GFRAL: variants seen among roughly 807,000 people sequenced by gnomAD.
The protein encoded by GFRAL is GDNF family receptor alpha-like.
GFRAL carries 36 observed loss-of-function variants against 45.4 expected under a neutral mutation model. The observed-to-expected ratio is 0.79, with a 90% confidence interval of 0.61 to 1.05. The LOEUF is 1.05. Ranked by LOEUF, GFRAL falls within the 50% of genes least tolerant of loss-of-function variation. The pLI is 0.00. For synonymous variants in GFRAL, 166 were observed against 154.1 expected, an observed-to-expected ratio of 1.08 and a Z score of -0.57; for missense variants, 507 against 467.5, an observed-to-expected ratio of 1.08 and a Z score of -0.78.
intron 6 of GFRAL, among the ~76,000 whole-genome samples, chr6:55,385,072 G>C (rs1455840469): frequency 6.6e-6 from 1 of 151,938 alleles, no homozygotes; most frequent in Non-Finnish European, 1.5e-5. Context: ...GTTTCCCTTT[G>C]AGCACACTAC....
chr6:55,340,823 C>A (rs534035838), intron 3 of GFRAL, among the ~76,000 whole-genome samples: 1 of 152,276 alleles, frequency 6.6e-6, no homozygotes, highest in East Asian at 1.9e-4. Context: ...TCACTCTCAC[C>A]CTAATACTGC....
intron 6 of GFRAL, 52 bp downstream of exon 6, chr6:55,359,190 T>TATCTATCTATC: frequency 1.8e-6 from 2 of 1,121,646 alleles, no homozygotes; most frequent in South Asian, 1.5e-5. Context: ...ATCTATCATC[T>TATCTATCTATC]ATCTATCTAT....
intron 6 of GFRAL, among the ~76,000 whole-genome samples, chr6:55,363,937 C>T (rs1216460218): frequency 5.3e-5 from 8 of 149,602 alleles, no homozygotes; most frequent in African/African-American, 1.7e-4. Context: ...ATTTATAGTC[C>T]TTTGGGTATA....
At chr6:55,398,898 G>A (rs114388495) in intron 6 of GFRAL, among the ~76,000 whole-genome samples, 4,848 of 152,016 alleles carry the variant, frequency 0.032, 88 homozygotes, top group Non-Finnish European at 0.047. Flanking sequence ...TATTTTTCTT[G>A]TCTGTATATA....
chr6:55,388,146 A>G (rs951988528), intron 6 of GFRAL, among the ~76,000 whole-genome samples: 1 of 152,166 alleles, frequency 6.6e-6, no homozygotes, highest in African/African-American at 2.4e-5. Context: ...AGTTTGCCAT[A>G]ACTCTGGGAC....
intron 1 of GFRAL, 41 bp downstream of exon 1, chr6:55,327,617 A>T: frequency 1.3e-6 from 2 of 1,576,746 alleles, no homozygotes; most frequent in Non-Finnish European, 1.7e-6. Context: ...ATTATTCATA[A>T]TACTAATTCT....
chr6:55,373,899 C>T (rs116198205), intron 6 of GFRAL, among the ~76,000 whole-genome samples: 7,655 of 152,136 alleles, frequency 0.05, 291 homozygotes, highest in African/African-American at 0.095. Context: ...GCTCTCCCTC[C>T]TCCCACCAGC....
At chr6:55,397,423 C>T (rs528559802) in intron 6 of GFRAL, among the ~76,000 whole-genome samples, 7 of 138,526 alleles carry the variant, frequency 5.1e-5, no homozygotes, top group Non-Finnish European at 9.2e-5. Flanking sequence ...GAGGCTGAGG[C>T]AGGAGAATGG....
chr6:55,365,821 G>A (rs1318803818), intron 6 of GFRAL, among the ~76,000 whole-genome samples: 1 of 150,366 alleles, frequency 6.7e-6, no homozygotes, highest in Non-Finnish European at 1.5e-5. Context: ...GCTTTTGGAT[G>A]TGCTGCTGGA....
chr6:55,347,215 T>C (rs1468305150), intron 3 of GFRAL, among the ~76,000 whole-genome samples: 1 of 152,008 alleles, frequency 6.6e-6, no homozygotes, highest in Admixed American at 6.6e-5. Flanking sequence ...AAGATGAAAG[T>C]TCTGGAGGTA....
intron 6 of GFRAL, among the ~76,000 whole-genome samples, chr6:55,386,914 A>G (rs1369131537): frequency 1.3e-5 from 2 of 152,180 alleles, no homozygotes; most frequent in Non-Finnish European, 2.9e-5. Flanking sequence ...ACAGGGCTAT[A>G]ATCTGGAAAT....
At chr6:55,342,184 A>T (rs1463397156) in intron 3 of GFRAL, among the ~76,000 whole-genome samples, 4 of 152,170 alleles carry the variant, frequency 2.6e-5, no homozygotes, top group Non-Finnish European at 5.9e-5. Context: ...TGCCACAAAG[A>T]TATTCCTTGA....
At chr6:55,373,251 A>G (rs901855551) in intron 6 of GFRAL, among the ~76,000 whole-genome samples, 1 of 152,046 alleles carries the variant, frequency 6.6e-6, no homozygotes, top group African/African-American at 2.4e-5. Context: ...TGTGGCTCCT[A>G]TTTTATCCTC....
chr6:55,368,763 G>A (rs185298873), intron 6 of GFRAL, among the ~76,000 whole-genome samples: 2 of 152,292 alleles, frequency 1.3e-5, no homozygotes, highest in African/African-American at 2.4e-5. Flanking sequence ...TGGGGGTCAG[G>A]GGTCAGGGAC....
At chr6:55,395,173 A>ATATATATATATATATATATATATATATAT (rs35935725) in intron 6 of GFRAL, among the ~76,000 whole-genome samples, 2 of 103,560 alleles carry the variant, frequency 1.9e-5, no homozygotes, top group African/African-American at 1.0e-4. Context: ...AAAAAAAAAA[A>ATATATATATATATATATATATATATATAT]AAATATATAT....
At chr6:55,388,984 G>T (rs1260850773) in intron 6 of GFRAL, among the ~76,000 whole-genome samples, 2 of 152,050 alleles carry the variant, frequency 1.3e-5, no homozygotes, top group African/African-American at 4.8e-5. Context: ...TTTATGATCT[G>T]ATTTCTCTTT....
At chr6:55,367,756 G>A (rs1339175396) in intron 6 of GFRAL, among the ~76,000 whole-genome samples, 2 of 151,650 alleles carry the variant, frequency 1.3e-5, no homozygotes, top group African/African-American at 4.9e-5. Flanking sequence ...CTTTAAGAAT[G>A]TTGAATATTG....
At chr6:55,354,887 G>T (rs1768166911) in intron 5 of GFRAL, among the ~76,000 whole-genome samples, 2 of 151,934 alleles carry the variant, frequency 1.3e-5, no homozygotes, top group South Asian at 2.1e-4. Flanking sequence ...CTGCCAAAGA[G>T]AACAATTTAA....
chr6:55,343,111 A>G (rs565417112), intron 3 of GFRAL, among the ~76,000 whole-genome samples: 29 of 152,296 alleles, frequency 1.9e-4, no homozygotes, highest in Admixed American at 6.5e-4. Context: ...AACATTAGAC[A>G]GATCAATGAG....
Sources: allele counts gnomAD v4.1 joint callset (sites outside exome capture counted in the v4.1 genomes callset), GRCh38; gene constraint gnomAD v4.1.1; transcripts MANE v1.5; gene names NCBI Gene and HGNC (gene_info 2026-07-23, HGNC 2026-07-21).